Variants in HCN1 observed in about 807,000 individuals in gnomAD.
The protein encoded by HCN1 is hyperpolarization activated cyclic nucleotide gated potassium channel 1, also known as potassium/sodium hyperpolarization-activated cyclic nucleotide-gated channel 1.
HCN1 carries 13 observed loss-of-function variants against 78.9 expected under a neutral mutation model. The ratio of observed to expected loss-of-function variants is 0.16; its 90% CI spans 0.11 to 0.26. HCN1 has a LOEUF of 0.26. HCN1 is among the 10% of genes least tolerant of loss of function. The pLI, the probability that HCN1 is intolerant of heterozygous loss-of-function variation, is 1.00. For missense variants in HCN1, 810 were observed against 1,154.3 expected, an observed-to-expected ratio of 0.70 and a Z score of 4.32; for synonymous variants, 552 against 455.5, an observed-to-expected ratio of 1.21 and a Z score of -2.70.
At chr5:45,294,995 T>C (rs554494764) in intron 6 of HCN1, among the ~76,000 whole-genome samples, 1 of 152,078 alleles carries the variant, frequency 6.6e-6, no homozygotes, top group African/African-American at 2.4e-5. Flanking sequence ...AAGAGGATGA[T>C]GAGATTATAA....
chr5:45,375,945 CAT>C (rs1747637800), intron 4 of HCN1, among the ~76,000 whole-genome samples: 2 of 111,992 alleles, frequency 1.8e-5, no homozygotes, highest in Non-Finnish European at 3.4e-5. Context: ...TATTTTATCA[CAT>C]ATATTATATA....
chr5:45,658,515 G>A (rs1745833709), intron 1 of HCN1, among the ~76,000 whole-genome samples: 2 of 152,286 alleles, frequency 1.3e-5, no homozygotes, highest in Non-Finnish European at 2.9e-5. Flanking sequence ...AAGAAGATGG[G>A]TGATTTCTGC....
At chr5:45,658,030 G>C (rs934027444) in intron 1 of HCN1, among the ~76,000 whole-genome samples, 3 of 152,170 alleles carry the variant, frequency 2.0e-5, no homozygotes, top group Non-Finnish European at 4.4e-5. Context: ...CATGGTACTG[G>C]TACCAAAACA....
chr5:45,476,652 A>G (rs1359323578), intron 2 of HCN1, among the ~76,000 whole-genome samples: 1 of 152,074 alleles, frequency 6.6e-6, no homozygotes, highest in Non-Finnish European at 1.5e-5. Context: ...GTTTTATTTT[A>G]GCATTTATCA....
At chr5:45,293,080 C>A (rs961082520) in intron 6 of HCN1, among the ~76,000 whole-genome samples, 1 of 151,942 alleles carries the variant, frequency 6.6e-6, no homozygotes, top group African/African-American at 2.4e-5. Flanking sequence ...GTCTTTATAA[C>A]AGAACAATTT....
At chr5:45,343,333 A>C (rs1746622747) in intron 5 of HCN1, among the ~76,000 whole-genome samples, 1 of 152,230 alleles carries the variant, frequency 6.6e-6, no homozygotes, top group Non-Finnish European at 1.5e-5. Flanking sequence ...TAAAAGATTA[A>C]TTTGACCGTG....
chr5:45,432,893 T>TC lies in HCN1; in HGVS notation c.1011+28952_1011+28953insG, dbSNP rs1740491470. Among the ~76,000 whole-genome samples, 16 of 152,042 alleles carry TC rather than the reference T, an allele frequency of 1.1e-4. No individual in the cohort carries two copies. The South Asian group carries it at 3.3e-3, about 32-fold the overall frequency. ...CACATGGCTAGGGAGGCAAACGAGG[T>TC]GTTTGCCTCATGGTGGAAGGCAGAC... On this transcript the variant is annotated intron_variant, in intron 3 of 7. Coordinates refer to ENST00000303230, the MANE Select transcript of HCN1 (RefSeq NM_021072.4).
At chr5:45,523,343 G>A (rs534027264) in intron 2 of HCN1, among the ~76,000 whole-genome samples, 37 of 152,158 alleles carry the variant, frequency 2.4e-4, no homozygotes, top group Middle Eastern at 3.4e-3. Context: ...CTTTATAGCA[G>A]CATGATTTAT....
intron 1 of HCN1, among the ~76,000 whole-genome samples, chr5:45,675,598 A>C (rs1171533903): frequency 6.6e-6 from 1 of 151,790 alleles, no homozygotes; most frequent in Admixed American, 6.6e-5. Context: ...CAAACTGGAC[A>C]GTACCTTTTG....
At chr5:45,658,438 A>T (rs372211796) in intron 1 of HCN1, among the ~76,000 whole-genome samples, 1 of 152,166 alleles carries the variant, frequency 6.6e-6, no homozygotes, top group Non-Finnish European at 1.5e-5. Flanking sequence ...AACTACCATC[A>T]GAGGGGGAGG....
chr5:45,608,357 A>ATGTGTGTGTGTGTGTGTG (rs397970171), intron 2 of HCN1, among the ~76,000 whole-genome samples: 2 of 140,412 alleles, frequency 1.4e-5, no homozygotes, highest in African/African-American at 2.6e-5. Context: ...GGATGGGTGT[A>ATGTGTGTGTGTGTGTGTG]TGTGTGTGTG....
At chr5:45,382,505 T>TTA (rs1181632614) in intron 4 of HCN1, among the ~76,000 whole-genome samples, 10 of 152,206 alleles carry the variant, frequency 6.6e-5, no homozygotes, top group African/African-American at 2.4e-4. Context: ...TATATCATGT[T>TTA]TATACACACA....
intron 2 of HCN1, among the ~76,000 whole-genome samples, chr5:45,497,977 C>G (rs1742084760): frequency 6.6e-6 from 1 of 152,182 alleles, no homozygotes; most frequent in Non-Finnish European, 1.5e-5. Flanking sequence ...ATGGGCTTCC[C>G]TTTGAGGGTA....
At chr5:45,573,893 A>C (rs528546887) in intron 2 of HCN1, among the ~76,000 whole-genome samples, 3 of 152,242 alleles carry the variant, frequency 2.0e-5, no homozygotes, top group Non-Finnish European at 4.4e-5. Flanking sequence ...GAACAAAAAA[A>C]GATATTTATT....
At chr5:45,460,526 G>A (rs1303183363) in intron 3 of HCN1, among the ~76,000 whole-genome samples, 4 of 152,032 alleles carry the variant, frequency 2.6e-5, no homozygotes, top group Non-Finnish European at 5.9e-5. Flanking sequence ...ACATTCTGGT[G>A]TGGGGAACAC....
At chr5:45,279,099 A>T (rs1745114505) in intron 6 of HCN1, among the ~76,000 whole-genome samples, 1 of 152,192 alleles carries the variant, frequency 6.6e-6, no homozygotes. Context: ...TCTGGAAAGA[A>T]CAGAAATCAG....
At chr5:45,306,064 G>A (rs1206253056) in intron 5 of HCN1, among the ~76,000 whole-genome samples, 2 of 151,980 alleles carry the variant, frequency 1.3e-5, no homozygotes, top group African/African-American at 4.8e-5. Context: ...GAAGATAAAA[G>A]GTGACGTGGA....
At chr5:45,354,559 C>T (rs1464276793) in intron 4 of HCN1, among the ~76,000 whole-genome samples, 1 of 152,006 alleles carries the variant, frequency 6.6e-6, no homozygotes, top group Non-Finnish European at 1.5e-5. Context: ...TGATAATAGA[C>T]CTAGCTAATG....
At chr5:45,527,555 TTCTC>T (rs538941492) in intron 2 of HCN1, among the ~76,000 whole-genome samples, 374 of 149,174 alleles carry the variant, frequency 2.5e-3, no homozygotes, top group African/African-American at 8.3e-3. Context: ...TTCTCTCTCT[TTCTC>T]TCTCTCTCTC....
Sources: gnomAD v4.1 joint callset for allele counts (sites outside exome capture counted in the v4.1 genomes callset) on GRCh38, gnomAD v4.1.1 for gene constraint, MANE v1.5 for transcripts, NCBI Gene and HGNC (gene_info 2026-07-23, HGNC 2026-07-21) for gene names.